ZPBP: variants seen among roughly 807,000 people sequenced by gnomAD.
ZPBP encodes the protein zona pellucida binding protein.
In ZPBP, 26 loss-of-function variants were observed where a neutral mutation model predicts 44.8. The ratio of observed to expected loss-of-function variants is 0.58; its 90% confidence interval spans 0.43 to 0.81. The LOEUF is 0.81. ZPBP is among the 30% of genes least tolerant of loss of function. ZPBP has a pLI of 0.00. For synonymous variants in ZPBP, 174 were observed against 153.2 expected (o/e 1.14, Z -1.00); for missense variants, 409 against 434.0 (o/e 0.94, Z 0.51).
In ZPBP at chr7:50,018,330, T is replaced by C. The variant is rs373890240; in HGVS notation, c.707-14A>G. On this transcript the variant is annotated splice_polypyrimidine_tract_variant and intron_variant, in intron 5 of 7. Transcript: ENST00000046087. ...CTAGAGATGAAACTGAGAAAATATA[T>C]TATATTTTATCATGGGTATAATGTA... 4 of 1,533,482 alleles carry C rather than the reference T, an allele frequency of 2.6e-6. No individual in the cohort carries two copies. Among genetic ancestry groups the C allele is most frequent in the African/African-American group, 2.7e-5 (2 of 73,060 alleles). 95.0% of individuals were successfully genotyped at this position (1,533,482 alleles called of 1,614,324 possible). A position where few individuals can be genotyped will look rare whatever the true frequency, so the allele number is the denominator to read the frequency against.
intron 1 of ZPBP, among the ~76,000 whole-genome samples, chr7:49,931,846 C>A (rs187951201): frequency 2.0e-5 from 3 of 152,222 alleles, no homozygotes; most frequent in Non-Finnish European, 2.9e-5. Context: ...AGGCCTAGGG[C>A]CCCCCTGCTC....
intron 2 of ZPBP, among the ~76,000 whole-genome samples, chr7:49,869,784 G>A (rs113200274): frequency 2.0e-5 from 3 of 151,880 alleles, no homozygotes; most frequent in Admixed American, 6.6e-5. Flanking sequence ...GGATGTGCAC[G>A]GCCACAAACT....
intron 7 of ZPBP, among the ~76,000 whole-genome samples, chr7:49,973,822 A>T (rs1207694268): frequency 1.3e-5 from 2 of 152,140 alleles, no homozygotes; most frequent in Non-Finnish European, 2.9e-5. Context: ...TCCTAGGTAT[A>T]TATGCAAATA....
chr7:50,091,891 T>A (rs959331014), intron 1 of ZPBP, among the ~76,000 whole-genome samples: 2 of 152,198 alleles, frequency 1.3e-5, no homozygotes, highest in Non-Finnish European at 2.9e-5. Context: ...GACTTGAGTT[T>A]AAATCCTAAT....
chr7:49,899,685 A>C (rs1475098164), intron 2 of ZPBP, among the ~76,000 whole-genome samples: 5 of 151,984 alleles, frequency 3.3e-5, no homozygotes, highest in African/African-American at 1.2e-4. Context: ...AAAATCTGAT[A>C]GAACTGCAAG....
At chr7:49,906,839 GT>G (rs1793125100) in intron 1 of ZPBP, among the ~76,000 whole-genome samples, 2 of 152,080 alleles carry the variant, frequency 1.3e-5, no homozygotes, top group South Asian at 4.1e-4. Context: ...AACACTTGAT[GT>G]TTTCGTTGGT....
intron 1 of ZPBP, chr7:49,917,585 G>C (rs1365272712): frequency 4.6e-5 from 7 of 152,122 alleles, no homozygotes; most frequent in Non-Finnish European, 1.0e-4. Context: ...AGTCAATTTA[G>C]TATATTATGA....
intron 1 of ZPBP, chr7:49,914,289 C>G (rs1429036569): frequency 6.6e-6 from 1 of 152,208 alleles, no homozygotes; most frequent in Non-Finnish European, 1.5e-5. Flanking sequence ...ATGATGAGCT[C>G]TGAAATAATT....
chr7:50,043,565 C>T (rs1562866669), intron 4 of ZPBP, among the ~76,000 whole-genome samples: 1 of 152,022 alleles, frequency 6.6e-6, no homozygotes, highest in Non-Finnish European at 1.5e-5. Flanking sequence ...CAAAAAATAT[C>T]AAAAAAGACA....
At chr7:49,882,391 T>C (rs868022806) in intron 2 of ZPBP, among the ~76,000 whole-genome samples, 1 of 152,298 alleles carries the variant, frequency 6.6e-6, no homozygotes, top group Middle Eastern at 3.4e-3. Context: ...AACCATCCAC[T>C]GTCTTTATTT....
intron 7 of ZPBP, among the ~76,000 whole-genome samples, chr7:49,974,933 G>A (rs1010266318): frequency 7.9e-5 from 2 of 25,394 alleles, no homozygotes; most frequent in Non-Finnish European, 1.7e-4. Flanking sequence ...GACCCAGCAC[G>A]GGGAAATGGA....
intron 6 of ZPBP, among the ~76,000 whole-genome samples, chr7:49,989,694 C>T (rs115357523): frequency 6.6e-6 from 1 of 152,278 alleles, no homozygotes; most frequent in African/African-American, 2.4e-5. Flanking sequence ...CTGCTTATTC[C>T]TGTGAACCAA....
intron 1 of ZPBP, among the ~76,000 whole-genome samples, chr7:49,909,142 A>G (rs1267476432): frequency 3.9e-5 from 6 of 152,206 alleles, no homozygotes; most frequent in Admixed American, 6.5e-5. Flanking sequence ...TCACATAACT[A>G]TTAAGTACCA....
rs576626174 is a variant in ZPBP, at chr7:49,901,627, G to T, written n.412-412C>A. ...CAACATTATCAAGATCTATTGTTGAGCAATAGATTCAACACAATCCCAAAC... is the reference window on the plus strand; with the variant it reads ...CAACATTATCAAGATCTATTGTTGATCAATAGATTCAACACAATCCCAAAC... On this transcript the variant is annotated intron_variant and non_coding_transcript_variant, in intron 1 of 2. Coordinates refer to the ZPBP transcript ENST00000465922. Among the ~76,000 whole-genome samples the T allele has an allele frequency of 4.6e-5, 7 of 151,894 alleles. No individual in the cohort carries two copies. In the South Asian group the frequency reaches 1.5e-3, roughly 32 times the overall value.
chr7:49,891,284 T>C (rs1255026665), intron 2 of ZPBP, among the ~76,000 whole-genome samples: 1 of 152,212 alleles, frequency 6.6e-6, no homozygotes, highest in Non-Finnish European at 1.5e-5. Flanking sequence ...TTTAGCCAGA[T>C]GACATTACTC....
intron 2 of ZPBP, among the ~76,000 whole-genome samples, chr7:50,085,711 C>A (rs1802601838): frequency 6.6e-6 from 1 of 152,050 alleles, no homozygotes. Context: ...ATTAGAGGCC[C>A]TCATTTAACT....
intron 7 of ZPBP, among the ~76,000 whole-genome samples, chr7:49,982,177 A>G (rs1192292750): frequency 1.2e-5 from 1 of 80,228 alleles, no homozygotes; most frequent in Admixed American, 1.9e-4. Context: ...TTATATATAT[A>G]TAATTTATTA....
chr7:49,852,396 C>T (rs1037417990), intron 2 of ZPBP, among the ~76,000 whole-genome samples: 1 of 152,232 alleles, frequency 6.6e-6, no homozygotes, highest in Non-Finnish European at 1.5e-5. Flanking sequence ...CCTGTTCACT[C>T]ATCTCCTTAA....
At chr7:50,035,037 C>T (rs1415200668) in intron 4 of ZPBP, among the ~76,000 whole-genome samples, 3 of 152,214 alleles carry the variant, frequency 2.0e-5, no homozygotes, top group Non-Finnish European at 4.4e-5. Flanking sequence ...ACAACACTTG[C>T]TAATCTGTCC....
Sources: gnomAD v4.1 joint callset for allele counts (sites outside exome capture counted in the v4.1 genomes callset) on GRCh38, gnomAD v4.1.1 for gene constraint, MANE v1.5 for transcripts, NCBI Gene and HGNC (gene_info 2026-07-23, HGNC 2026-07-21) for gene names.